Variants in DDX3X observed in about 807,000 individuals in gnomAD.
The protein encoded by DDX3X is DEAD-box helicase 3 X-linked.
In DDX3X, 4 loss-of-function variants were observed where a neutral mutation model predicts 52.7. The observed-to-expected ratio is 0.08, with a 90% CI of 0.04 to 0.17. DDX3X has a LOEUF of 0.17. Ranked by LOEUF, DDX3X falls within the 10% of genes least tolerant of loss-of-function variation. The pLI is 1.00. For synonymous variants in DDX3X, 192 were observed against 178.1 expected (o/e 1.08, Z -0.62); for missense variants, 222 against 548.6 (o/e 0.40, Z 5.95).
rs147928835 is a variant in DDX3X at position 41,346,441 on chromosome X, T to C, written c.1497+31T>C. The C allele has an allele frequency of 6.4e-5, 77 of 1,196,169 alleles. No homozygotes were observed. The African/African-American group carries it at 1.2e-3, about 19-fold the overall frequency. ...TATAAACATCTTTCTTTTATTCAAA[T>C]TGAGCATGTTCAAGTATTTGTTTTC... On this transcript the variant is annotated intron_variant, in intron 13 of 16. Transcript: ENST00000644876.
downstream of DDX3X, among the ~76,000 whole-genome samples, chrX:41,353,890 GAAAA>G (rs776066422): frequency 4.3e-3 from 481 of 110,786 alleles, 5 homozygotes; most frequent in African/African-American, 0.015. Flanking sequence ...AGTGGGTAGA[GAAAA>G]AAGTAGGTTA....
chrX:41,353,735 T>G (rs1028666568), downstream of DDX3X, among the ~76,000 whole-genome samples: 2 of 107,739 alleles, frequency 1.9e-5, no homozygotes, highest in Admixed American at 2.0e-4. Flanking sequence ...TGTGCCACTG[T>G]ACTCCACTGT....
chrX:41,358,087 T>C, intron 5 of DDX3X: 1 of 257,299 alleles, frequency 3.9e-6, no homozygotes, highest in East Asian at 5.3e-5. Flanking sequence ...TTTTTTTTTT[T>C]TTTTTTTGAG....
rs945996989 is a variant in DDX3X at position 41,348,400 on chromosome X, G to C, written c.*681G>C. The C allele has an allele frequency of 8.9e-6, 1 of 112,805 alleles. No individual in the cohort carries two copies. The highest frequency in any genetic ancestry group is 1.9e-5 in the Non-Finnish European group (1 of 53,505). 9.3% of individuals were successfully genotyped at this position (112,805 alleles called of 1,213,427 possible). On this transcript the variant is annotated 3_prime_UTR_variant, in exon 17 of 17. Coordinates refer to ENST00000644876, the MANE Select transcript of DDX3X (RefSeq NM_001356.5). ...CTTTAAGCCATTCCAGTCATGATGA[G>C]GTGATGTATGAATACATGCATACAT...
At chrX:41,340,074 A>C (rs1177179564) in intron 3 of DDX3X, 5 of 109,762 alleles carry the variant, frequency 4.6e-5, no homozygotes, top group African/African-American at 1.7e-4. Flanking sequence ...ATGCCCGGCT[A>C]ATTTTTGTAT....
chrX:41,339,106 G>A lies in DDX3X; in HGVS notation c.151+23G>A, dbSNP rs2063811674. 2 of 1,011,806 alleles carry A rather than the reference G, an allele frequency of 2.0e-6. 1 individual carries two copies. The allele number at this position is 1,011,806 out of a possible 1,213,427, so 83.4% of individuals were successfully genotyped here. A position where few individuals can be genotyped will look rare whatever the true frequency, so the allele number is the denominator to read the frequency against. On this transcript the variant is annotated intron_variant, in intron 3 of 16. Coordinates refer to ENST00000644876, the MANE Select transcript of DDX3X (RefSeq NM_001356.5). Reference sequence around the variant, plus strand: ...AAGGTAGGTCCTCACAAGTAACTTCGTAGGTCTATTTTTTGCCTCCTTTAG... The same window carrying A: ...AAGGTAGGTCCTCACAAGTAACTTCATAGGTCTATTTTTTGCCTCCTTTAG...
In DDX3X at chrX:41,343,817, A is replaced by G. The variant is rs753317345; in HGVS notation, c.760A>G (p.Met254Val). 2.5e-6 allele frequency: 3 copies of G among 1,199,367 alleles called. No homozygotes were observed. Among genetic ancestry groups the G allele is most frequent in the Non-Finnish European group, 3.4e-6 (3 of 886,965 alleles). ...SDGPGEALRAMKENGRYGRRK... is the reference protein window; with the variant it reads ...SDGPGEALRAVKENGRYGRRK... ...TGGTCCAGGCGAGGCTTTGAGGGCC[A>G]TGAAGGTAGATGTTTCTTTATAAAA... Residue 254 changes from methionine to valine, a missense_variant, in exon 8 of 17, where the codon ATG becomes GTG. Physicochemically the swap from Met to Val is conservative, Grantham distance 21. Around this residue, in one of 5 missense-constraint regions of DDX3X, gnomAD observed 73 missense variants for 301.4 expected, o/e 0.24. Transcript: ENST00000644876.
chrX:41,346,786 A>G lies in DDX3X; in HGVS notation c.1616-73A>G, dbSNP rs1047331469. The G allele has an allele frequency of 1.2e-5, 12 of 1,026,831 alleles. No individual in the cohort carries two copies. The African/African-American group carries it at 1.7e-4, about 15-fold the overall frequency. The allele number at this position is 1,026,831 out of a possible 1,213,427, so 84.6% of individuals were successfully genotyped here. On this transcript the variant is annotated intron_variant, in intron 14 of 16. Transcript: ENST00000644876. ...GGTAATATTTTAAATATTTCTACGT[A>G]GGAAAGTAAGAATAGTAGCAAGTTA...
chrX:41,339,345 G>T (rs1295202404), intron 3 of DDX3X: 5 of 159,024 alleles, frequency 3.1e-5, no homozygotes. Context: ...GTGTTGTGCT[G>T]AATCTGTTTG....
At chrX:41,362,304 G>A (rs1262337750) in intron 5 of DDX3X, among the ~76,000 whole-genome samples, 7 of 110,130 alleles carry the variant, frequency 6.4e-5, no homozygotes, top group African/African-American at 2.3e-4. Flanking sequence ...GGCCAGGCTG[G>A]TCTCGAACTC....
chrX:41,346,618 C>T lies in DDX3X; in HGVS notation c.1611C>T (p.Asn537=). 1.7e-6 allele frequency: 2 copies of T among 1,179,464 alleles called. No individual in the cohort carries two copies. Among genetic ancestry groups the T allele is most frequent in the African/African-American group, 1.8e-5 (1 of 56,984 alleles). ...TTGGTCGTACGGGACGTGTAGGAAA[C>T]CTTGGTAAGTATTTGATTACTTGAT... is the stretch of plus-strand genomic sequence containing the variant. The part of the protein sequence containing the change: ...HRIGRTGRVG[N]LGLATSFFNE... The change falls in exon 14 of 17, where the codon AAC becomes AAT. Residue 537 remains asparagine (N), a synonymous_variant. Coordinates refer to ENST00000644876, the MANE Select transcript of DDX3X (RefSeq NM_001356.5).
At position 41,343,080 on chromosome X, in the gene DDX3X, T is replaced by G. The variant is rs2063872655; in HGVS notation, c.544-136T>G. ...CAGTAAGCCTGGGGGTTGGTTTTTC[T>G]CAAAGTATAATGTGATAATTTTACT... On this transcript the variant is annotated intron_variant, in intron 6 of 16. Coordinates refer to ENST00000644876, the MANE Select transcript of DDX3X (RefSeq NM_001356.5). 2.3e-5 allele frequency: 19 copies of G among 835,690 alleles called. 1 individual carries two copies. The highest frequency in any genetic ancestry group is 8.4e-5 in the African/African-American group (4 of 47,811). 68.9% of individuals were successfully genotyped at this position (835,690 alleles called of 1,213,427 possible). A position where few individuals can be genotyped will look rare whatever the true frequency, so the allele number is the denominator to read the frequency against.
At chrX:41,343,488 GATAC>G (rs1183094488) in intron 7 of DDX3X, 137 bp downstream of exon 7, 3 of 591,179 alleles carry the variant, frequency 5.1e-6, no homozygotes, top group Non-Finnish European at 7.7e-6. Context: ...AGCCATAGAT[GATAC>G]ATAAATTATT....
At chrX:41,335,226 C>T (rs2063747831) in intron 1 of DDX3X, 1 of 110,908 alleles carries the variant, frequency 9.0e-6, no homozygotes, top group South Asian at 3.7e-4. Flanking sequence ...AGCCGGGAGT[C>T]CCGCGTTGTT....
In DDX3X at chrX:41,345,264, G is replaced by A; in HGVS notation, c.1110G>A (p.Met370Ile). The change falls in exon 11 of 17, where the codon ATG becomes ATA. Residue 370 changes from methionine to isoleucine, a missense_variant. Transcript: ENST00000644876. ...QIRRIVEQDT[M>I]PPKGVRHTMM... ...GTAGAATAGTCGAACAAGATACTAT[G>A]CCTCCAAAGGGTGTCCGCCACACTA... is the stretch of plus-strand genomic sequence containing the variant. The A allele has an allele frequency of 8.3e-7, 1 of 1,210,388 alleles. No individual in the cohort carries two copies. The highest frequency in any genetic ancestry group is 1.1e-6 in the Non-Finnish European group (1 of 894,465).
At position 41,334,879 on chromosome X, in the gene DDX3X, C is replaced by T. The variant is rs986866617; in HGVS notation, c.45+582C>T. The T allele has an allele frequency of 1.3e-4, 67 of 512,311 alleles. No individual in the cohort carries two copies. The Middle Eastern group carries it at 0.019, about 145-fold the overall frequency. The allele number at this position is 512,311 out of a possible 1,213,427, so 42.2% of individuals were successfully genotyped here. ...GCTGTGGCTCACCTCCGGGAGACGG[C>T]GGGTCTCGGGCGGGCGAAGGCCTGG... On this transcript the variant is annotated intron_variant, in intron 1 of 16. Coordinates refer to ENST00000644876, the MANE Select transcript of DDX3X (RefSeq NM_001356.5).
intron 15 of DDX3X, 51 bp from the exon 16 acceptor site, chrX:41,347,261 C>T: frequency 1.7e-6 from 2 of 1,157,674 alleles, no homozygotes; most frequent in South Asian, 3.8e-5. Context: ...AGTTAGGTTA[C>T]TTTAGTGGAA....
intron 1 of DDX3X, chrX:41,334,883 T>C: frequency 2.0e-6 from 1 of 510,696 alleles, no homozygotes; most frequent in Non-Finnish European, 2.6e-6. Flanking sequence ...AGACGGCGGG[T>C]CTCGGGCGGG....
At chrX:41,347,217 G>T in intron 15 of DDX3X, 95 bp from the exon 16 acceptor site, 1 of 1,046,594 alleles carries the variant, frequency 9.6e-7, no homozygotes, top group African/African-American at 1.9e-5. Flanking sequence ...GGAATTGTTT[G>T]AATGGAAAAA....
Sources: gnomAD v4.1 joint callset for allele counts (sites outside exome capture counted in the v4.1 genomes callset) on GRCh38, gnomAD v4.1.1 for gene constraint, gnomAD v4.1.1 regional missense constraint, MANE v1.5 for transcripts, NCBI Gene and HGNC (gene_info 2026-07-23, HGNC 2026-07-21) for gene names.